Variants in WDR72 observed in about 807,000 individuals in gnomAD.
The protein encoded by WDR72 is WD repeat domain 72.
In WDR72, 120 loss-of-function variants were observed where a neutral mutation model predicts 124.2. The observed-to-expected ratio is 0.97, with a 90% CI of 0.83 to 1.12. The LOEUF is 1.12. WDR72 is among the 50% of genes most tolerant of loss of function. The probability of loss-of-function intolerance (pLI) is 0.00; values close to 1 mark genes in which losing one functional copy is unlikely to be tolerated. For missense variants in WDR72, 1,387 were observed against 1,278.8 expected (o/e 1.08, Z -1.29); for synonymous variants, 452 against 441.7 (o/e 1.02, Z -0.29).
intron 18 of WDR72, among the ~76,000 whole-genome samples, chr15:53,534,348 T>C (rs1892639330): frequency 6.6e-6 from 1 of 152,144 alleles, no homozygotes; most frequent in African/African-American, 2.4e-5. Context: ...CTCACTTTCC[T>C]AACCTTTAGA....
intron 14 of WDR72, among the ~76,000 whole-genome samples, chr15:53,633,042 A>G (rs7166545): frequency 0.24 from 36,260 of 152,056 alleles, 4,792 homozygotes; most frequent in East Asian, 0.46. Flanking sequence ...ATTCTATTTT[A>G]CAATGTGAGA....
chr15:53,739,056 A>G (rs1311720876), intron 1 of WDR72, among the ~76,000 whole-genome samples: 1 of 152,242 alleles, frequency 6.6e-6, no homozygotes, highest in Non-Finnish European at 1.5e-5. Context: ...GGGAATTAAC[A>G]GATACATTCT....
chr15:53,736,791 A>T (rs1304699900), intron 1 of WDR72, among the ~76,000 whole-genome samples: 2 of 152,190 alleles, frequency 1.3e-5, no homozygotes, highest in African/African-American at 4.8e-5. Context: ...GGGCATCCAC[A>T]CAGAGGACAG....
At chr15:53,664,100 A>G (rs140996004) in intron 14 of WDR72, among the ~76,000 whole-genome samples, 10 of 152,224 alleles carry the variant, frequency 6.6e-5, no homozygotes, top group African/African-American at 2.4e-4. Flanking sequence ...GTTTCCATGC[A>G]TTATTAGCTT....
At chr15:53,664,275 C>A (rs576237245) in intron 14 of WDR72, among the ~76,000 whole-genome samples, 1 of 152,250 alleles carries the variant, frequency 6.6e-6, no homozygotes, top group African/African-American at 2.4e-5. Flanking sequence ...ATGTACCAAG[C>A]AATAACCAGA....
intron 14 of WDR72, among the ~76,000 whole-genome samples, chr15:53,653,810 A>G (rs1489582569): frequency 6.6e-6 from 1 of 152,206 alleles, no homozygotes; most frequent in Non-Finnish European, 1.5e-5. Flanking sequence ...CCCACATGAT[A>G]AGTGTCAAAA....
chr15:53,528,905 G>A lies in WDR72; in HGVS notation c.3149-5583C>T, dbSNP rs558860945. ...TGGGCTGCCTCAGTAAGGCTGATAA[G>A]CAAGCAGATACTGCACTTCCAGCCT... On this transcript the variant is annotated intron_variant, in intron 18 of 19. Coordinates refer to ENST00000360509, the MANE Select transcript of WDR72 (RefSeq NM_182758.4). Among the ~76,000 whole-genome samples, 17 of 152,024 alleles carry A rather than the reference G, an allele frequency of 1.1e-4. No individual in the cohort carries two copies. In the South Asian group the frequency reaches 1.2e-3, roughly 11 times the overall value.
chr15:53,547,052 C>A (rs1000832468), intron 18 of WDR72, among the ~76,000 whole-genome samples: 1 of 152,168 alleles, frequency 6.6e-6, no homozygotes, highest in Non-Finnish European at 1.5e-5. Flanking sequence ...TTTGATATGA[C>A]AAAATACATA....
At chr15:53,621,450 T>TATATATATATAC (rs1359760367) in intron 14 of WDR72, among the ~76,000 whole-genome samples, 1 of 143,674 alleles carries the variant, frequency 7.0e-6, no homozygotes, top group Non-Finnish European at 1.5e-5. Context: ...TATATATATA[T>TATATATATATAC]ATATATATGA....
chr15:53,529,171 TTTTTTTTTTTAAAAGA>T (rs1892309378), intron 18 of WDR72, among the ~76,000 whole-genome samples: 1 of 138,684 alleles, frequency 7.2e-6, no homozygotes, highest in African/African-American at 2.9e-5. Context: ...TATATTTTTT[TTTTTTTTTTTAAAAGA>T]ATATAAAAAA....
In WDR72 at chr15:53,586,359, T is replaced by A. The variant is rs115631478; in HGVS notation, c.3148+10720A>T. ...TTTAAGGATAACATGTATCAACAAT[T>A]AGCATGTTGTAAGCCAAAGTTTTGA... On this transcript the variant is annotated intron_variant, in intron 18 of 19. Transcript: ENST00000360509. Among the ~76,000 whole-genome samples, 394 of 152,178 alleles carry A rather than the reference T, an allele frequency of 2.6e-3. 2 individuals carry two copies. The highest frequency in any genetic ancestry group is 9.2e-3 in the African/African-American group (383 of 41,550).
chr15:53,711,997 A>G (rs1446875298), intron 7 of WDR72, among the ~76,000 whole-genome samples: 1 of 152,216 alleles, frequency 6.6e-6, no homozygotes, highest in Non-Finnish European at 1.5e-5. Flanking sequence ...TGGAAATGTC[A>G]GCGAACATAT....
At chr15:53,541,061 G>A (rs895704579) in intron 18 of WDR72, 51 of 159,218 alleles carry the variant, frequency 3.2e-4, no homozygotes, top group African/African-American at 1.1e-3. Context: ...CAGCCAGGCT[G>A]GGGGAGGGAC....
chr15:53,655,893 A>G (rs369113739), intron 14 of WDR72, among the ~76,000 whole-genome samples: 97 of 152,254 alleles, frequency 6.4e-4, no homozygotes, highest in African/African-American at 2.0e-3. Context: ...GGGTTTCACC[A>G]TGTTGGTCAG....
intron 1 of WDR72, among the ~76,000 whole-genome samples, chr15:53,734,445 AAT>A (rs1302704479): frequency 1.3e-5 from 2 of 152,174 alleles, no homozygotes; most frequent in African/African-American, 4.8e-5. Flanking sequence ...TTCTGATTTC[AAT>A]AATACTGTAA....
intron 14 of WDR72, among the ~76,000 whole-genome samples, chr15:53,643,478 T>TA (rs988735647): frequency 1.3e-5 from 2 of 152,140 alleles, no homozygotes; most frequent in African/African-American, 4.8e-5. Context: ...CCTAAAACGT[T>TA]AAAGTCCCTA....
chr15:53,610,559 A>G (rs977086456), intron 16 of WDR72, among the ~76,000 whole-genome samples: 1 of 148,888 alleles, frequency 6.7e-6, no homozygotes, highest in Non-Finnish European at 1.5e-5. Flanking sequence ...CTATTTTTAT[A>G]TTAACATATG....
At chr15:53,553,218 C>T (rs1893807526) in intron 18 of WDR72, among the ~76,000 whole-genome samples, 1 of 152,138 alleles carries the variant, frequency 6.6e-6, no homozygotes, top group Non-Finnish European at 1.5e-5. Flanking sequence ...AACTAGAATA[C>T]AGCGTCCTTT....
chr15:53,714,570 A>C, intron 5 of WDR72, 60 bp from the exon 6 acceptor site: 4 of 1,329,626 alleles, frequency 3.0e-6, no homozygotes, highest in Non-Finnish European at 4.3e-6. Flanking sequence ...GTAGGTAAAA[A>C]TCATTTCACA....
Sources: allele counts gnomAD v4.1 joint callset (sites outside exome capture counted in the v4.1 genomes callset), GRCh38; gene constraint gnomAD v4.1.1; transcripts MANE v1.5; gene names NCBI Gene and HGNC (gene_info 2026-07-23, HGNC 2026-07-21).